CHRM2: variants seen among roughly 807,000 people sequenced by gnomAD.
CHRM2 encodes the protein muscarinic acetylcholine receptor M2.
A neutral mutation model predicts 25.0 loss-of-function variants in CHRM2; 8 were observed. The observed-to-expected ratio is 0.32, with a 90% CI of 0.19 to 0.58. CHRM2 has a LOEUF of 0.58. Ranked by LOEUF, CHRM2 falls within the 20% of genes least tolerant of loss-of-function variation. CHRM2 has a pLI of 0.88. For synonymous variants in CHRM2, 202 were observed against 205.7 expected (o/e 0.98, Z 0.15); for missense variants, 440 against 567.1 (o/e 0.78, Z 2.28).
intron 2 of CHRM2, among the ~76,000 whole-genome samples, chr7:136,920,679 A>G (rs1384219838): frequency 6.6e-6 from 1 of 152,138 alleles, no homozygotes; most frequent in Non-Finnish European, 1.5e-5. Context: ...AAAAGCAATT[A>G]TAGCCACCTT....
intron 2 of CHRM2, among the ~76,000 whole-genome samples, chr7:136,889,016 C>T (rs1796584759): frequency 2.9e-5 from 4 of 137,368 alleles, no homozygotes; most frequent in Non-Finnish European, 6.0e-5. Flanking sequence ...CCACTGCACT[C>T]CAGCCTGGGC....
intron 2 of CHRM2, among the ~76,000 whole-genome samples, chr7:136,941,622 C>T (rs1359639433): frequency 6.6e-6 from 1 of 152,178 alleles, no homozygotes; most frequent in Non-Finnish European, 1.5e-5. Flanking sequence ...TTTCTTTGAA[C>T]CTATAAATAT....
intron 2 of CHRM2, among the ~76,000 whole-genome samples, chr7:136,967,354 G>C (rs1167053891): frequency 6.6e-6 from 1 of 151,988 alleles, no homozygotes; most frequent in Non-Finnish European, 1.5e-5. Flanking sequence ...AAGTGGGCGT[G>C]ATTTTCAAAT....
intron 2 of CHRM2, among the ~76,000 whole-genome samples, chr7:136,872,401 T>C (rs2130453607): frequency 6.6e-6 from 1 of 152,290 alleles, no homozygotes; most frequent in South Asian, 2.1e-4. Context: ...GGTCCTTCAA[T>C]TTTGGGAGGC....
chr7:136,875,023 A>AAT (rs10573438), intron 2 of CHRM2, among the ~76,000 whole-genome samples: 28,532 of 147,740 alleles, frequency 0.19, 3,452 homozygotes, highest in Non-Finnish European at 0.28. Context: ...TTTCTTGCTG[A>AAT]ATATATATAT....
chr7:136,908,339 C>T (rs966897976), intron 2 of CHRM2, among the ~76,000 whole-genome samples: 6 of 151,928 alleles, frequency 3.9e-5, no homozygotes, highest in African/African-American at 1.4e-4. Flanking sequence ...AACTACTGTG[C>T]AATACCACCT....
chr7:136,945,750 G>C (rs903942311), intron 2 of CHRM2, among the ~76,000 whole-genome samples: 1 of 152,094 alleles, frequency 6.6e-6, no homozygotes, highest in South Asian at 2.1e-4. Context: ...CTTCCTGGAG[G>C]CATTCTCACC....
At chr7:136,934,762 G>GA (rs34892230) in intron 2 of CHRM2, among the ~76,000 whole-genome samples, 36,449 of 150,014 alleles carry the variant, frequency 0.24, 5,672 homozygotes, top group Non-Finnish European at 0.35. Context: ...ACAATCTCCA[G>GA]AAAAAATATT....
At chr7:136,976,337 A>G (rs543665825) in intron 2 of CHRM2, among the ~76,000 whole-genome samples, 1 of 152,286 alleles carries the variant, frequency 6.6e-6, no homozygotes, top group Admixed American at 6.5e-5. Flanking sequence ...GTGATAAAAT[A>G]TTAACATTAT....
intron 3 of CHRM2, among the ~76,000 whole-genome samples, chr7:137,001,752 C>A (rs928989761): frequency 1.3e-5 from 2 of 152,114 alleles, no homozygotes; most frequent in Admixed American, 6.6e-5. Context: ...CTGGTTACGA[C>A]CCCTGAATTC....
chr7:136,919,682 G>A (rs1383131819), intron 2 of CHRM2, among the ~76,000 whole-genome samples: 2 of 152,064 alleles, frequency 1.3e-5, no homozygotes, highest in Non-Finnish European at 2.9e-5. Context: ...CCGTGGTGTT[G>A]TACAGGTCTA....
intron 3 of CHRM2, among the ~76,000 whole-genome samples, chr7:137,001,145 C>A (rs1165297321): frequency 6.6e-6 from 1 of 152,106 alleles, no homozygotes; most frequent in Non-Finnish European, 1.5e-5. Context: ...CCCCACCCCA[C>A]ATCTTCATCC....
chr7:136,923,453 C>A (rs139091461), intron 2 of CHRM2, among the ~76,000 whole-genome samples: 1 of 152,048 alleles, frequency 6.6e-6, no homozygotes, highest in Non-Finnish European at 1.5e-5. Flanking sequence ...GTTAGCCAAG[C>A]AACTGATGAG....
chr7:136,957,253 ATATGTG>A (rs755071784), intron 2 of CHRM2, among the ~76,000 whole-genome samples: 3 of 88,922 alleles, frequency 3.4e-5, no homozygotes, highest in African/African-American at 9.5e-5. Flanking sequence ...GTCATAGTGT[ATATGTG>A]TGTGTGTGTG....
chr7:136,942,231 C>A (rs73158750), intron 2 of CHRM2, among the ~76,000 whole-genome samples: 20,239 of 152,132 alleles, frequency 0.13, 1,848 homozygotes, highest in East Asian at 0.37. Flanking sequence ...TGTCATTTCT[C>A]TGAAGGTCCC....
At chr7:136,967,736 C>G (rs1801505828) in intron 2 of CHRM2, among the ~76,000 whole-genome samples, 1 of 152,000 alleles carries the variant, frequency 6.6e-6, no homozygotes, top group Admixed American at 6.6e-5. Flanking sequence ...CTCTAGCCCT[C>G]TACCTTTCTG....
intron 2 of CHRM2, among the ~76,000 whole-genome samples, chr7:136,963,916 C>T (rs886156589): frequency 6.6e-6 from 1 of 152,136 alleles, no homozygotes; most frequent in Non-Finnish European, 1.5e-5. Flanking sequence ...ACAGAGACAC[C>T]CTTGTCTTTT....
chr7:136,938,493 C>G (rs1799552291), intron 2 of CHRM2: 1 of 1,059,314 alleles, frequency 9.4e-7, no homozygotes, highest in African/African-American at 1.6e-5. Flanking sequence ...TGGGGTTCAC[C>G]TCTAGGATAA....
intron 2 of CHRM2, among the ~76,000 whole-genome samples, chr7:136,958,524 C>G (rs1041608845): frequency 1.4e-5 from 2 of 142,600 alleles, no homozygotes; most frequent in Non-Finnish European, 3.0e-5. Flanking sequence ...GGGGCGATTA[C>G]AGCTCACTGC....
Sources: allele counts gnomAD v4.1 joint callset (sites outside exome capture counted in the v4.1 genomes callset), GRCh38; gene constraint gnomAD v4.1.1; transcripts MANE v1.5; gene names NCBI Gene and HGNC (gene_info 2026-07-23, HGNC 2026-07-21).